Variants in RNF25 observed in about 807,000 individuals in gnomAD.
RNF25 encodes E3 ubiquitin-protein ligase RNF25.
RNF25 carries 32 observed loss-of-function variants against 65.0 expected under a neutral mutation model. The observed-to-expected ratio is 0.49, with a 90% CI of 0.37 to 0.66. RNF25 has a LOEUF of 0.66. Among genes scored for constraint, RNF25 ranks in the 30% least tolerant of loss-of-function variants. The probability of loss-of-function intolerance (pLI) is 0.00; values close to 1 mark genes in which losing one functional copy is unlikely to be tolerated. For missense variants in RNF25, 493 were observed against 584.8 expected, an observed-to-expected ratio of 0.84 and a Z score of 1.62; for synonymous variants, 207 against 221.2, an observed-to-expected ratio of 0.94 and a Z score of 0.57.
At chr2:218,666,385 T>C (rs982309006) in intron 5 of RNF25, among the ~76,000 whole-genome samples, 155 bp from the exon 6 acceptor site, 2 of 152,352 alleles carry the variant, frequency 1.3e-5, no homozygotes, top group African/African-American at 4.8e-5. Flanking sequence ...ACGCTCCCTC[T>C]GCTGGGAATC....
rs1939769468 is a variant in RNF25, at chr2:218,664,361, G to A, written c.976C>T (p.Gln326Ter). The A allele has an allele frequency of 1.2e-6, 2 of 1,614,080 alleles. No homozygotes were observed. Among genetic ancestry groups the A allele is most frequent in the African/African-American group, 2.7e-5 (2 of 74,914 alleles). The stretch of plus-strand genomic sequence containing the variant: ...TTCTGGGTTTCGCCCAACCTTTGCT[G>A]ATTTGACCTGGTCCCTGGAATCTTC... The part of the protein sequence containing the change: ...CEKIPGTRSN[Q>*]QRLGETQKAM... The change falls in exon 10 of 10, where the codon CAG (glutamine) becomes TAG (stop). Residue 326 changes from glutamine to a stop codon, truncating the protein, a stop_gained. Coordinates refer to ENST00000295704, the MANE Select transcript of RNF25 (RefSeq NM_022453.3). LOFTEE classifies it high-confidence loss of function. The surrounding 1 kb of genome is among the most constrained non-coding windows in gnomAD (Gnocchi z 5.1).
At chr2:218,670,396 A>G (rs1939923030) in intron 1 of RNF25, among the ~76,000 whole-genome samples, 1 of 151,562 alleles carries the variant, frequency 6.6e-6, no homozygotes, top group Non-Finnish European at 1.5e-5. Context: ...AGGTGGTGAC[A>G]ACAAAATGGG....
chr2:218,667,485 G>A (rs1351709208), intron 5 of RNF25, among the ~76,000 whole-genome samples: 2 of 151,702 alleles, frequency 1.3e-5, no homozygotes, highest in Admixed American at 1.3e-4. Context: ...CAAGTAACTG[G>A]GATTACAAAT....
At chr2:218,666,328 T>A in intron 5 of RNF25, 98 bp from the exon 6 acceptor site, 1 of 961,870 alleles carries the variant, frequency 1.0e-6, no homozygotes, top group Non-Finnish European at 1.6e-6. Flanking sequence ...ACTTGGCTCC[T>A]AGCAGGCCAG....
chr2:218,665,508 G>A (rs1575113885), intron 7 of RNF25, among the ~76,000 whole-genome samples: 1 of 152,142 alleles, frequency 6.6e-6, no homozygotes, highest in East Asian at 1.9e-4. Flanking sequence ...TTGGGAGGCC[G>A]AGGCGGGCGG....
At position 218,664,750 on chromosome 2, in the gene RNF25, T is replaced by C; in HGVS notation, c.790A>G (p.Ser264Gly). Residue 264 changes from serine to glycine, a missense_variant, in exon 9 of 10, where the codon AGC becomes GGC. Physicochemically the swap from Ser to Gly is moderately conservative, Grantham distance 56 (BLOSUM62 0). Coordinates refer to ENST00000295704, the MANE Select transcript of RNF25 (RefSeq NM_022453.3). This position sits in a 1 kb window ranked among gnomAD's most constrained non-coding sequence, Gnocchi z 5.1. ...LEAERNRYFISLQQPPAPAEP... is the reference protein window; with the variant it reads ...LEAERNRYFIGLQQPPAPAEP... ...AGCCCTTCCCTCACCTGCTGAAGGC[T>C]GATGAAGTATCGGTTTCGCTCAGCC... 3 of 1,614,236 alleles carry C rather than the reference T, an allele frequency of 1.9e-6. No individual in the cohort carries two copies. In the South Asian group the frequency reaches 3.3e-5, roughly 18 times the overall value.
intron 1 of RNF25, among the ~76,000 whole-genome samples, chr2:218,669,016 T>C (rs1939894845): frequency 6.6e-6 from 1 of 152,204 alleles, no homozygotes; most frequent in Non-Finnish European, 1.5e-5. Flanking sequence ...TGGCTGAATC[T>C]CTGGTCTAGA....
rs1050345294 is a variant in RNF25 at position 218,666,238 on chromosome 2, G to A, written c.358-8C>T. 3 of 1,610,424 alleles carry A rather than the reference G, an allele frequency of 1.9e-6. No individual in the cohort carries two copies. Among genetic ancestry groups the A allele is most frequent in the East Asian group, 2.2e-5 (1 of 44,870 alleles). On this transcript the variant is annotated splice_region_variant and splice_polypyrimidine_tract_variant and intron_variant, in intron 5 of 9. Transcript: ENST00000295704. ...GAGAATTTCCTTCCCTTTCTGAGGA[G>A]AGAAGACACTGATTAAACGGGGGTA...
In RNF25 at chr2:218,668,587, C is replaced by T; in HGVS notation, c.116+18G>A. The T allele has an allele frequency of 6.3e-7, 1 of 1,579,700 alleles. No individual in the cohort carries two copies. On this transcript the variant is annotated intron_variant, in intron 2 of 9. Transcript: ENST00000295704. ...CATTACTAGGGGGACTCCTGCCCACCACTGGTTGAATACATACCTGCCATT... is the reference window on the plus strand; with the variant it reads ...CATTACTAGGGGGACTCCTGCCCACTACTGGTTGAATACATACCTGCCATT...
Position 218,664,134 on chromosome 2 carries a change from C to T in RNF25, c.1203G>A (p.Lys401=), listed in dbSNP as rs1939759434. The change falls in exon 10 of 10, where the codon AAG becomes AAA. Residue 401 remains lysine (K), a synonymous_variant. Coordinates refer to ENST00000295704, the MANE Select transcript of RNF25 (RefSeq NM_022453.3). The surrounding 1 kb of genome is among the most constrained non-coding windows in gnomAD (Gnocchi z 5.1). ...GGGGCCCCTGCCAGCTGCCAGGCCC[C>T]TTCTCTTGTGGAGGACCTTCAACTC... ...SQGVEGPPQE[K]GPGSWQGPPP... is the part of the protein sequence containing the mutation. The T allele has an allele frequency of 6.5e-7, 1 of 1,528,676 alleles. No individual in the cohort carries two copies. The highest frequency in any genetic ancestry group is 8.8e-7 in the Non-Finnish European group (1 of 1,141,010). The allele number at this position is 1,528,676 out of a possible 1,614,324, so 94.7% of individuals were successfully genotyped here.
At chr2:218,666,772 G>C (rs1023371943) in intron 5 of RNF25, among the ~76,000 whole-genome samples, 2 of 152,248 alleles carry the variant, frequency 1.3e-5, no homozygotes, top group Admixed American at 1.3e-4. Context: ...AGGCTGCATT[G>C]TGGAGGCCTG....
Position 218,668,126 on chromosome 2 carries a change from C to T in RNF25, c.240G>A (p.Gln80=), listed in dbSNP as rs771308052. The change falls in exon 4 of 10, where the codon CAG becomes CAA. Residue 80 remains glutamine, a synonymous_variant. Transcript: ENST00000295704. The part of the protein sequence containing the change: ...VPAEYPHEVP[Q]ISIRNPRGLS... Reference sequence around the variant, plus strand: ...GTCCTCGGGGATTTCGGATAGAGATCTGTGGCACCTCATGGGGATACTAGT... The same window carrying T: ...GTCCTCGGGGATTTCGGATAGAGATTTGTGGCACCTCATGGGGATACTAGT... The T allele has an allele frequency of 6.2e-7, 1 of 1,614,188 alleles. No homozygotes were observed. The highest frequency in any genetic ancestry group is 1.7e-5 in the Admixed American group (1 of 60,018).
chr2:218,668,270 C>G lies in RNF25; in HGVS notation c.188G>C (p.Cys63Ser). The part of the protein sequence containing the change: ...TAEDQDSQYV[C>S]FTLVLQVPAE... ...TGGGACCTGAAGCACCAGAGTGAAGCAGACATACTGTGAATCCTGGTCCTC... is the reference window on the plus strand; with the variant it reads ...TGGGACCTGAAGCACCAGAGTGAAGGAGACATACTGTGAATCCTGGTCCTC... Residue 63 changes from cysteine (C) to serine (S), a missense_variant, in exon 3 of 10, where the codon TGC becomes TCC. By Grantham distance (112) the Cys-to-Ser change is moderately radical (BLOSUM62 -1). Around this residue, in one of 3 missense-constraint regions of RNF25, gnomAD observed 108 missense variants for 166.0 expected, o/e 0.65. Transcript: ENST00000295704. The G allele has an allele frequency of 6.2e-7, 1 of 1,614,086 alleles. No homozygotes were observed. The highest frequency in any genetic ancestry group is 8.5e-7 in the Non-Finnish European group (1 of 1,180,006).
At chr2:218,670,132 G>A (rs759545876) in intron 1 of RNF25, among the ~76,000 whole-genome samples, 4 of 151,470 alleles carry the variant, frequency 2.6e-5, no homozygotes, top group African/African-American at 7.3e-5. Context: ...CCAGGAGGTC[G>A]AGGCTGTAGT....
intron 1 of RNF25, among the ~76,000 whole-genome samples, chr2:218,670,755 C>G (rs1322059299): frequency 7.0e-6 from 1 of 142,686 alleles, no homozygotes; most frequent in Admixed American, 7.0e-5. Context: ...TGTCCTAGTA[C>G]AAAGAATCTA....
At position 218,664,196 on chromosome 2, in the gene RNF25, CCTT is replaced by C. The variant is rs1939761523; in HGVS notation, c.1138_1140del (p.Lys380del). 6.3e-7 allele frequency: 1 copy of C among 1,590,740 alleles called. No homozygotes were observed. The highest frequency in any genetic ancestry group is 8.5e-7 in the Non-Finnish European group (1 of 1,169,752). On this transcript the variant is annotated inframe_deletion, in exon 10 of 10. Coordinates refer to ENST00000295704, the MANE Select transcript of RNF25 (RefSeq NM_022453.3). The surrounding 1 kb of genome is among the most constrained non-coding windows in gnomAD (Gnocchi z 5.1). Reference sequence around the variant, plus strand: ...GGTTCTGGCTTTAGGTCCATGGGCTCCTTGAGGGGCCCCTCAGGAGGTGGCAGT... The same window carrying C: ...GGTTCTGGCTTTAGGTCCATGGGCTCGAGGGGCCCCTCAGGAGGTGGCAGT...
intron 7 of RNF25, 103 bp downstream of exon 7, chr2:218,665,813 G>T: frequency 7.1e-7 from 1 of 1,409,866 alleles, no homozygotes; most frequent in Non-Finnish European, 9.7e-7. Flanking sequence ...GGGTATCTAT[G>T]ACCCTGAAAA....
At chr2:218,667,784 G>T (rs1397351896) in intron 5 of RNF25, 128 bp downstream of exon 5, 2 of 798,724 alleles carry the variant, frequency 2.5e-6, no homozygotes, top group Non-Finnish European at 4.0e-6. Context: ...CATTTCTCTG[G>T]ATTAATTTAG....
In RNF25 at chr2:218,671,955, A is replaced by C. The variant is rs146947495; in HGVS notation, c.16T>G (p.Ser6Ala). The C allele has an allele frequency of 9.9e-6, 16 of 1,614,088 alleles. No homozygotes were observed. The African/African-American group carries it at 1.3e-4, about 13-fold the overall frequency. Residue 6 changes from serine (S) to alanine (A), a missense_variant, in exon 1 of 10, where the codon TCT becomes GCT. Ser to Ala is a moderately conservative substitution (Grantham distance 99, BLOSUM62 1). Transcript: ENST00000295704. ...CAGTCCTCCTCCCCTGCAGCTGCAG[A>C]CGCAGACGCCGCCATATCTTCACCG... MAASA[S>A]AAAGEEDWVL...
Sources: allele counts gnomAD v4.1 joint callset (sites outside exome capture counted in the v4.1 genomes callset), GRCh38; gene constraint gnomAD v4.1.1; regional missense constraint gnomAD v4.1.1; non-coding constraint Gnocchi (gnomAD v3.1); transcripts MANE v1.5; gene names NCBI Gene and HGNC (gene_info 2026-07-23, HGNC 2026-07-21).